The following AGBL4 variants were observed in gnomAD, a reference collection of about 807,000 sequenced individuals.
The protein encoded by AGBL4 is AGBL carboxypeptidase 4, also known as cytosolic carboxypeptidase 6.
AGBL4 carries 58 observed loss-of-function variants against 66.4 expected under a neutral mutation model. The observed-to-expected ratio is 0.87, with a 90% CI of 0.71 to 1.09. The LOEUF (loss-of-function observed/expected upper bound fraction) is 1.09, where lower values mean the gene tolerates loss of function less well. AGBL4 is among the 50% of genes least tolerant of loss of function. The pLI is 0.00. For missense variants in AGBL4, 579 were observed against 631.0 expected (o/e 0.92, Z 0.88); for synonymous variants, 234 against 222.9 (o/e 1.05, Z -0.44).
intron 3 of AGBL4, among the ~76,000 whole-genome samples, chr1:49,481,298 G>C (rs1340958436): frequency 6.6e-6 from 1 of 151,866 alleles, no homozygotes; most frequent in Admixed American, 6.6e-5. Context: ...TGTCATCTCT[G>C]ATTTGAGTGG....
chr1:49,406,755 A>G (rs1385186613), intron 3 of AGBL4, among the ~76,000 whole-genome samples: 1 of 152,154 alleles, frequency 6.6e-6, no homozygotes, highest in Non-Finnish European at 1.5e-5. Context: ...ATTTTATTCA[A>G]TATGATGTGT....
intron 2 of AGBL4, among the ~76,000 whole-genome samples, chr1:49,830,595 G>A (rs1645644393): frequency 6.6e-6 from 1 of 152,168 alleles, no homozygotes; most frequent in Non-Finnish European, 1.5e-5. Context: ...TTGCTGTGCA[G>A]AAGCTCTTTA....
intron 3 of AGBL4, among the ~76,000 whole-genome samples, chr1:49,681,442 T>C (rs180765651): frequency 6.6e-6 from 1 of 152,248 alleles, no homozygotes; most frequent in Non-Finnish European, 1.5e-5. Flanking sequence ...TATATTGATA[T>C]CAGAAGGATG....
At chr1:49,760,172 T>A (rs1652198036) in intron 2 of AGBL4, among the ~76,000 whole-genome samples, 1 of 152,244 alleles carries the variant, frequency 6.6e-6, no homozygotes, top group Non-Finnish European at 1.5e-5. Flanking sequence ...TTTGTTTAAG[T>A]TCCTTGTAAA....
chr1:49,947,153 C>T (rs1230508748), intron 1 of AGBL4, among the ~76,000 whole-genome samples: 1 of 151,782 alleles, frequency 6.6e-6, no homozygotes, highest in East Asian at 1.9e-4. Flanking sequence ...GACACTATTC[C>T]ACAAGACAGA....
At chr1:49,284,225 C>T (rs1644351058) in intron 3 of AGBL4, among the ~76,000 whole-genome samples, 1 of 152,130 alleles carries the variant, frequency 6.6e-6, no homozygotes, top group South Asian at 2.1e-4. Context: ...ATTCAACATT[C>T]TTAAAGAAAA....
At chr1:49,916,152 C>A (rs1464423532) in intron 1 of AGBL4, among the ~76,000 whole-genome samples, 3 of 152,152 alleles carry the variant, frequency 2.0e-5, no homozygotes, top group African/African-American at 4.8e-5. Context: ...AGCAGAAAAG[C>A]TGAAAATTCT....
At chr1:48,956,257 A>G (rs565618684) in intron 5 of AGBL4, among the ~76,000 whole-genome samples, 9 of 152,234 alleles carry the variant, frequency 5.9e-5, no homozygotes, top group Non-Finnish European at 1.3e-4. Flanking sequence ...TGTCCAGTAC[A>G]TAGACATGCC....
chr1:49,946,214 C>T (rs1655190495), intron 1 of AGBL4, among the ~76,000 whole-genome samples: 1 of 151,878 alleles, frequency 6.6e-6, no homozygotes, highest in Admixed American at 6.6e-5. Flanking sequence ...ATGAACTTAA[C>T]AGGTATTTAC....
At chr1:49,267,117 T>C (rs1643938935) in intron 3 of AGBL4, among the ~76,000 whole-genome samples, 2 of 152,186 alleles carry the variant, frequency 1.3e-5, no homozygotes, top group Admixed American at 1.3e-4. Flanking sequence ...GCTTTGGGTA[T>C]AGTGCACAGA....
At chr1:48,793,849 G>A (rs1364583933) in intron 6 of AGBL4, among the ~76,000 whole-genome samples, 1 of 152,156 alleles carries the variant, frequency 6.6e-6, no homozygotes, top group Non-Finnish European at 1.5e-5. Flanking sequence ...ATCAGTTAGA[G>A]AATATGCCTG....
intron 3 of AGBL4, among the ~76,000 whole-genome samples, chr1:49,458,735 C>G (rs1646444396): frequency 6.6e-6 from 1 of 151,410 alleles, no homozygotes; most frequent in Non-Finnish European, 1.5e-5. Flanking sequence ...CTTTCTATAT[C>G]GATTTTGTTG....
In AGBL4 at chr1:49,159,563, A is replaced by G. The variant is rs968261819; in HGVS notation, c.377+86207T>C. 2.6e-5 allele frequency among the ~76,000 whole-genome samples: 4 copies of G among 152,030 alleles called. No individual in the cohort carries two copies. In the South Asian group the frequency reaches 8.3e-4, roughly 32 times the overall value. ...CTTGGGGTTGCTCTTCTCGAGGAAT[A>G]TCTTTGTGGTGTTCTCTGTATTTCC... On this transcript the variant is annotated intron_variant, in intron 4 of 13. Coordinates refer to ENST00000371839, the MANE Select transcript of AGBL4 (RefSeq NM_032785.4).
At chr1:49,938,224 G>T (rs772353133) in intron 1 of AGBL4, among the ~76,000 whole-genome samples, 1 of 152,036 alleles carries the variant, frequency 6.6e-6, no homozygotes, top group Non-Finnish European at 1.5e-5. Flanking sequence ...ACAACTCTAC[G>T]CAAATAAACC....
At chr1:48,734,492 T>G (rs886463809) in intron 6 of AGBL4, among the ~76,000 whole-genome samples, 3 of 152,172 alleles carry the variant, frequency 2.0e-5, no homozygotes, top group East Asian at 3.9e-4. Flanking sequence ...TCCATTGCCC[T>G]TTGACTCCAG....
At chr1:48,928,063 A>G (rs1460443619) in intron 5 of AGBL4, among the ~76,000 whole-genome samples, 1 of 152,196 alleles carries the variant, frequency 6.6e-6, no homozygotes, top group Non-Finnish European at 1.5e-5. Context: ...TTTGAAAATC[A>G]TGAATTCATC....
intron 3 of AGBL4, among the ~76,000 whole-genome samples, chr1:49,561,718 T>C (rs1460478950): frequency 1.3e-5 from 2 of 152,168 alleles, no homozygotes; most frequent in African/African-American, 4.8e-5. Flanking sequence ...TGTTGGATAT[T>C]TGGGTTGGTT....
At chr1:49,052,330 C>T (rs1644233283) in intron 4 of AGBL4, among the ~76,000 whole-genome samples, 1 of 152,138 alleles carries the variant, frequency 6.6e-6, no homozygotes, top group Middle Eastern at 3.2e-3. Context: ...GCACCCCATG[C>T]AATGAGAGGC....
chr1:48,560,518 T>C (rs1021905685), intron 11 of AGBL4, among the ~76,000 whole-genome samples: 1 of 152,176 alleles, frequency 6.6e-6, no homozygotes, highest in African/African-American at 2.4e-5. Context: ...TTTTACATTA[T>C]GGAGAGAAAT....
Sources: gnomAD v4.1 joint callset for allele counts (sites outside exome capture counted in the v4.1 genomes callset) on GRCh38, gnomAD v4.1.1 for gene constraint, MANE v1.5 for transcripts, NCBI Gene and HGNC (gene_info 2026-07-23, HGNC 2026-07-21) for gene names.